Variants in NALCN observed in about 807,000 individuals in gnomAD.
The protein encoded by NALCN is sodium leak channel, non-selective.
NALCN carries 111 observed loss-of-function variants against 225.3 expected under a neutral mutation model. That is an observed-to-expected ratio of 0.49 (90% CI 0.42 to 0.58). NALCN has a LOEUF of 0.58. Ranked by LOEUF, NALCN falls within the 20% of genes least tolerant of loss-of-function variation. The pLI, the probability that NALCN is intolerant of heterozygous loss-of-function variation, is 0.00. For synonymous variants in NALCN, 764 were observed against 769.0 expected (o/e 0.99, Z 0.11); for missense variants, 1,378 against 2,202.4 (o/e 0.63, Z 7.49).
chr13:101,171,507 C>T (rs74117662), intron 15 of NALCN, among the ~76,000 whole-genome samples: 1,908 of 151,926 alleles, frequency 0.013, 36 homozygotes, highest in African/African-American at 0.044. Context: ...ATGGTTTCTA[C>T]GTACTTCAAT....
At chr13:101,361,785 A>G (rs1003774160) in intron 6 of NALCN, among the ~76,000 whole-genome samples, 4 of 152,162 alleles carry the variant, frequency 2.6e-5, no homozygotes, top group Non-Finnish European at 2.9e-5. Flanking sequence ...GAATCTTATA[A>G]CCTATAATAT....
chr13:101,318,577 T>C (rs1286657932), intron 7 of NALCN, among the ~76,000 whole-genome samples: 1 of 152,180 alleles, frequency 6.6e-6, no homozygotes, highest in African/African-American at 2.4e-5. Flanking sequence ...TTTCTGAAAA[T>C]GACTTGGCTC....
At chr13:101,172,198 G>A (rs140038887) in intron 15 of NALCN, among the ~76,000 whole-genome samples, 17 of 152,256 alleles carry the variant, frequency 1.1e-4, no homozygotes, top group African/African-American at 4.1e-4. Context: ...TCTTCCAGGA[G>A]AACACGGGCC....
chr13:101,122,039 AAT>A (rs2036004873), intron 18 of NALCN, among the ~76,000 whole-genome samples: 1 of 152,028 alleles, frequency 6.6e-6, no homozygotes, highest in Non-Finnish European at 1.5e-5. Flanking sequence ...AGTATAAAAC[AAT>A]ACAAACACTC....
chr13:101,361,735 C>G (rs1286295364), intron 6 of NALCN, among the ~76,000 whole-genome samples: 1 of 152,120 alleles, frequency 6.6e-6, no homozygotes, highest in African/African-American at 2.4e-5. Flanking sequence ...AAATAACATA[C>G]AGCAATTGTT....
At chr13:101,076,551 C>T (rs1319120026) in intron 34 of NALCN, among the ~76,000 whole-genome samples, 1 of 152,184 alleles carries the variant, frequency 6.6e-6, no homozygotes, top group African/African-American at 2.4e-5. Flanking sequence ...GACATTCAGC[C>T]GATGCCAGAG....
chr13:101,388,984 C>T (rs903240034), intron 3 of NALCN, among the ~76,000 whole-genome samples: 7 of 152,310 alleles, frequency 4.6e-5, no homozygotes, highest in Non-Finnish European at 7.4e-5. Flanking sequence ...GAGCTAGGGC[C>T]GGGCAACGTC....
chr13:101,188,502 T>C (rs1192302076), intron 14 of NALCN, among the ~76,000 whole-genome samples: 1 of 151,938 alleles, frequency 6.6e-6, no homozygotes, highest in Admixed American at 6.6e-5. Flanking sequence ...CTTCAGAATT[T>C]TGGGCATAAA....
chr13:101,068,784 G>T lies in NALCN; in HGVS notation c.4241C>A (p.Ala1414Glu). ...FCTPDEFTYW[A>E]TDCGNYAGAL... ...CCCAGCATAATTTCCACAGTCTGTT[G>T]CCCAGTATGTAAATTCATCTGGAGT... The change falls in exon 38 of 44, where the codon GCA becomes GAA. Residue 1414 changes from alanine (A) to glutamate (E), a missense_variant. This residue lies in a region of NALCN where 76 missense variants were observed against 118.7 expected (regional missense o/e 0.64). Transcript: ENST00000251127. 1 of 1,612,722 alleles carries T rather than the reference G, an allele frequency of 6.2e-7. No individual in the cohort carries two copies. The highest frequency in any genetic ancestry group is 8.5e-7 in the Non-Finnish European group (1 of 1,179,488).
intron 6 of NALCN, among the ~76,000 whole-genome samples, chr13:101,355,301 G>A (rs114404094): frequency 0.039 from 5,945 of 151,390 alleles, 171 homozygotes; most frequent in Admixed American, 0.078. Context: ...TCAGGGGACC[G>A]ATCTCATGTG....
At chr13:101,222,493 C>T (rs994314854) in intron 13 of NALCN, among the ~76,000 whole-genome samples, 2 of 152,092 alleles carry the variant, frequency 1.3e-5, no homozygotes, top group Non-Finnish European at 2.9e-5. Flanking sequence ...ATCTTACTTC[C>T]ACTCACATAA....
At chr13:101,365,655 G>C (rs985068259) in intron 6 of NALCN, among the ~76,000 whole-genome samples, 1 of 151,936 alleles carries the variant, frequency 6.6e-6, no homozygotes, top group Non-Finnish European at 1.5e-5. Context: ...AACTTCCCCT[G>C]GGCAAGGTGA....
chr13:101,175,072 C>A (rs971355170), intron 15 of NALCN, among the ~76,000 whole-genome samples: 6 of 152,130 alleles, frequency 3.9e-5, no homozygotes, highest in Admixed American at 3.9e-4. Context: ...AGGAATGTCC[C>A]AACTCTCATT....
rs797013035 is a variant in NALCN, at chr13:101,257,372, TAA to T, written c.1266+1069_1266+1070del. ...AGAGGAGAATTCAGAAGCGACTACT[TAA>T]AAGTTTCTTGATATCCACGTAGATG... On this transcript the variant is annotated intron_variant, in intron 11 of 43. Coordinates refer to ENST00000251127, the MANE Select transcript of NALCN (RefSeq NM_052867.4). 4.9e-4 allele frequency among the ~76,000 whole-genome samples: 74 copies of T among 152,266 alleles called. 2 individuals carry two copies. The highest frequency in any genetic ancestry group is 1.7e-3 in the African/African-American group (71 of 41,548).
chr13:101,222,629 G>T (rs931915748), intron 13 of NALCN, among the ~76,000 whole-genome samples: 1 of 152,154 alleles, frequency 6.6e-6, no homozygotes, highest in Admixed American at 6.5e-5. Context: ...AGTGATAGAG[G>T]CTGCCCCCTT....
chr13:101,284,653 C>T lies in NALCN; in HGVS notation c.1048-634G>A, dbSNP rs768960862. 7.9e-4 allele frequency among the ~76,000 whole-genome samples: 120 copies of T among 152,158 alleles called. 1 individual carries two copies. The highest frequency in any genetic ancestry group is 2.4e-4 in the Non-Finnish European group (16 of 68,032). Reference sequence around the variant, plus strand: ...TTTTAACTAGGCAGCAATTAACCTGCTCAGCAGAAATTTTATGTACGTATT... The same window carrying T: ...TTTTAACTAGGCAGCAATTAACCTGTTCAGCAGAAATTTTATGTACGTATT... On this transcript the variant is annotated intron_variant, in intron 9 of 43. Coordinates refer to ENST00000251127, the MANE Select transcript of NALCN (RefSeq NM_052867.4).
At chr13:101,391,356 CA>C (rs1225897728) in intron 3 of NALCN, among the ~76,000 whole-genome samples, 1 of 152,066 alleles carries the variant, frequency 6.6e-6, no homozygotes, top group African/African-American at 2.4e-5. Context: ...TATACTTCAC[CA>C]AATAGACCCC....
chr13:101,131,595 C>G (rs1038954413), intron 17 of NALCN, among the ~76,000 whole-genome samples: 1 of 152,092 alleles, frequency 6.6e-6, no homozygotes, highest in African/African-American at 2.4e-5. Context: ...TTTGATTCCA[C>G]TCCTGGACTT....
chr13:101,155,251 T>C (rs572521920), intron 15 of NALCN, among the ~76,000 whole-genome samples: 6 of 152,372 alleles, frequency 3.9e-5, no homozygotes, highest in African/African-American at 1.4e-4. Flanking sequence ...CAAATACTTT[T>C]AACTAAAGAA....
Sources: gnomAD v4.1 joint callset for allele counts (sites outside exome capture counted in the v4.1 genomes callset) on GRCh38, gnomAD v4.1.1 for gene constraint, gnomAD v4.1.1 regional missense constraint, MANE v1.5 for transcripts, NCBI Gene and HGNC (gene_info 2026-07-23, HGNC 2026-07-21) for gene names.